SH3RF2: variants seen among roughly 807,000 people sequenced by gnomAD.
The protein encoded by SH3RF2 is SH3 domain containing ring finger 2.
Under a neutral mutation model 59.0 loss-of-function variants are expected in SH3RF2, and 43 were observed. The ratio of observed to expected loss-of-function variants is 0.73; its 90% CI spans 0.57 to 0.94. The LOEUF is 0.94. SH3RF2 is among the 40% of genes least tolerant of loss of function. The probability of loss-of-function intolerance (pLI) is 0.00; values close to 1 mark genes in which losing one functional copy is unlikely to be tolerated. For missense variants in SH3RF2, 930 were observed against 940.1 expected, an observed-to-expected ratio of 0.99 and a Z score of 0.14; for synonymous variants, 391 against 391.5, an observed-to-expected ratio of 1.00 and a Z score of 0.01.
At chr5:145,989,276 G>T (rs1759841577) in intron 2 of SH3RF2, among the ~76,000 whole-genome samples, 1 of 152,202 alleles carries the variant, frequency 6.6e-6, no homozygotes, top group Non-Finnish European at 1.5e-5. Flanking sequence ...ATTGGGGGAT[G>T]TTTAGAAAAC....
At chr5:146,033,628 G>A (rs989637686) in intron 5 of SH3RF2, among the ~76,000 whole-genome samples, 2 of 151,090 alleles carry the variant, frequency 1.3e-5, no homozygotes, top group African/African-American at 2.4e-5. Context: ...GCACCACCAC[G>A]CCCAGCTAAT....
chr5:146,053,878 C>T lies in SH3RF2; in HGVS notation c.1323-2103C>T, dbSNP rs147035063. 4.9e-3 allele frequency among the ~76,000 whole-genome samples: 753 copies of T among 152,308 alleles called. 3 individuals are homozygous for T. Among genetic ancestry groups the T allele is most frequent in the Non-Finnish European group, 7.7e-3 (527 of 68,032 alleles). On this transcript the variant is annotated intron_variant, in intron 7 of 9. Transcript: ENST00000359120. The stretch of plus-strand genomic sequence containing the variant: ...TGTCAAGATCCAACTGTTCTCCTTA[C>T]TGGGAGGCTGCTGCCAGTGGTGAAC...
chr5:145,989,185 T>G (rs994765786), intron 2 of SH3RF2, among the ~76,000 whole-genome samples: 3 of 152,172 alleles, frequency 2.0e-5, no homozygotes, highest in African/African-American at 7.2e-5. Context: ...AAGAAACCTG[T>G]GTGATTTTGC....
chr5:146,049,360 CGCTTTTT>C, intron 7 of SH3RF2, 115 bp downstream of exon 7: 1 of 1,249,768 alleles, frequency 8.0e-7, no homozygotes, highest in Non-Finnish European at 1.1e-6. Flanking sequence ...GCCAAGAAAG[CGCTTTTT>C]GCTCTATAAC....
chr5:145,978,691 A>G (rs1342343518), intron 2 of SH3RF2, among the ~76,000 whole-genome samples: 2 of 151,790 alleles, frequency 1.3e-5, no homozygotes, highest in Non-Finnish European at 2.9e-5. Context: ...TAAGGAAAAA[A>G]AAAAAAAGAA....
intron 9 of SH3RF2, among the ~76,000 whole-genome samples, chr5:146,074,125 C>T (rs1763294486): frequency 6.7e-6 from 1 of 149,742 alleles, no homozygotes; most frequent in African/African-American, 2.5e-5. Context: ...CTGCAAGCTC[C>T]GCCTCCCGGG....
intron 2 of SH3RF2, among the ~76,000 whole-genome samples, chr5:145,960,794 G>C (rs1758602489): frequency 6.6e-6 from 1 of 152,154 alleles, no homozygotes; most frequent in African/African-American, 2.4e-5. Context: ...TACCTAGGAA[G>C]AATATTAACA....
At chr5:146,076,032 T>A (rs1763337449) in intron 9 of SH3RF2, among the ~76,000 whole-genome samples, 1 of 152,142 alleles carries the variant, frequency 6.6e-6, no homozygotes, top group African/African-American at 2.4e-5. Context: ...TGGGATTTTT[T>A]GGGTGCCTAT....
intron 6 of SH3RF2, 104 bp downstream of exon 6, chr5:146,047,967 A>G (rs1762367974): frequency 9.2e-7 from 1 of 1,084,876 alleles, no homozygotes; most frequent in Non-Finnish European, 1.4e-6. Context: ...CATCCCATCC[A>G]GAGACAATAG....
chr5:146,047,663 C>A, intron 5 of SH3RF2, 109 bp from the exon 6 acceptor site: 3 of 952,172 alleles, frequency 3.2e-6, no homozygotes, highest in Non-Finnish European at 4.8e-6. Context: ...CCAGGCATGG[C>A]TGTTGGTTTT....
rs973630212 is a variant in SH3RF2 at position 146,062,545 on chromosome 5, A to G, written c.2034A>G (p.Ala678=). 13 of 1,614,174 alleles carry G rather than the reference A, an allele frequency of 8.1e-6. No individual in the cohort carries two copies. The highest frequency in any genetic ancestry group is 1.1e-5 in the Non-Finnish European group (13 of 1,180,020). ...PATLKASQPE[A]ASLGPEMTVL... ...CCCTCAAGGCGTCCCAGCCTGAAGCAGCGTCCTTGGGCCCAGAGATGACCG... is the reference window on the plus strand; with the variant it reads ...CCCTCAAGGCGTCCCAGCCTGAAGCGGCGTCCTTGGGCCCAGAGATGACCG... Residue 678 remains alanine (A), a synonymous_variant, in exon 10 of 10, where the codon GCA becomes GCG. Coordinates refer to ENST00000359120, the MANE Select transcript of SH3RF2 (RefSeq NM_152550.4).
At position 146,070,172 on chromosome 5, in the gene SH3RF2, C is replaced by T. The variant is rs79349824; in HGVS notation, c.*33+7438C>T. Among the ~76,000 whole-genome samples, 97 of 152,244 alleles carry T rather than the reference C, an allele frequency of 6.4e-4. 1 individual carries two copies. In the East Asian group the frequency reaches 0.011, roughly 17 times the overall value. On this transcript the variant is annotated intron_variant, in intron 9 of 9. Coordinates refer to the SH3RF2 transcript ENST00000511217. ...AATTGAGACTCAGAGGTCAAATGAC[C>T]TGTCCAAGGCAATAAGGACTAGAAC...
At chr5:145,942,332 G>A (rs928431380) in intron 2 of SH3RF2, among the ~76,000 whole-genome samples, 5 of 152,110 alleles carry the variant, frequency 3.3e-5, no homozygotes, top group African/African-American at 9.7e-5. Flanking sequence ...TCCCTACCTT[G>A]CTAGCATCAT....
At chr5:145,995,410 C>G (rs960115446) in intron 2 of SH3RF2, among the ~76,000 whole-genome samples, 1 of 152,132 alleles carries the variant, frequency 6.6e-6, no homozygotes, top group African/African-American at 2.4e-5. Flanking sequence ...TGTACCCAAC[C>G]CCGGGGGTCT....
chr5:146,041,846 G>T (rs765149474), intron 5 of SH3RF2, among the ~76,000 whole-genome samples: 12 of 152,140 alleles, frequency 7.9e-5, no homozygotes, highest in African/African-American at 2.9e-4. Flanking sequence ...CGGGAGGATC[G>T]ATTGAACCCG....
rs373717804 is a variant in SH3RF2 at position 145,971,617 on chromosome 5, A to ATT, written c.379-28441_379-28440insTT. On this transcript the variant is annotated intron_variant, in intron 2 of 9. Transcript: ENST00000359120. ...GATGGGAAAGGCCCAGCAGAAATAT[A>ATT]AAGCATGCAGGCCAAGGTAGGAATG... Among the ~76,000 whole-genome samples the ATT allele has an allele frequency of 5.7e-3, 866 of 152,332 alleles. 13 individuals carry two copies. The highest frequency in any genetic ancestry group is 0.02 in the African/African-American group (816 of 41,572).
chr5:146,047,925 A>C (rs1316037202), intron 6 of SH3RF2, 62 bp downstream of exon 6: 2 of 1,487,604 alleles, frequency 1.3e-6, no homozygotes, highest in African/African-American at 1.4e-5. Flanking sequence ...TTTACCATGT[A>C]CAGTGGTGAT....
At chr5:146,057,041 A>G (rs1389822795) in intron 8 of SH3RF2, among the ~76,000 whole-genome samples, 3 of 152,226 alleles carry the variant, frequency 2.0e-5, no homozygotes, top group Non-Finnish European at 4.4e-5. Flanking sequence ...AGAAGAAGAC[A>G]ACAAGCCAAG....
intron 9 of SH3RF2, among the ~76,000 whole-genome samples, chr5:146,071,325 C>A (rs1461606837): frequency 6.6e-6 from 1 of 152,206 alleles, no homozygotes. Context: ...GGGTAGAGGA[C>A]TGCATTGCAC....
Sources: allele counts gnomAD v4.1 joint callset (sites outside exome capture counted in the v4.1 genomes callset), GRCh38; gene constraint gnomAD v4.1.1; transcripts MANE v1.5; gene names NCBI Gene and HGNC (gene_info 2026-07-23, HGNC 2026-07-21).